PTPRD: variants seen among roughly 807,000 people sequenced by gnomAD.
PTPRD encodes the protein protein tyrosine phosphatase receptor type D, also known as receptor-type tyrosine-protein phosphatase delta.
PTPRD carries 34 observed loss-of-function variants against 214.5 expected under a neutral mutation model. That is an observed-to-expected ratio of 0.16 (90% CI 0.12 to 0.21). The LOEUF (loss-of-function observed/expected upper bound fraction) is 0.21. PTPRD is among the 10% of genes least tolerant of loss of function. The probability of loss-of-function intolerance (pLI) is 1.00; values close to 1 mark genes in which losing one functional copy is unlikely to be tolerated. For synonymous variants in PTPRD, 1,128 were observed against 845.7 expected (o/e 1.33, Z -5.79); for missense variants, 2,545 against 2,398.7 (o/e 1.06, Z -1.27).
chr9:9,460,492 A>T (rs2093549368), intron 8 of PTPRD, among the ~76,000 whole-genome samples: 1 of 152,104 alleles, frequency 6.6e-6, no homozygotes, highest in Non-Finnish European at 1.5e-5. Flanking sequence ...ACATTAGAAA[A>T]AAACAAATCC....
At chr9:10,445,873 C>CA (rs2098795177) in intron 2 of PTPRD, among the ~76,000 whole-genome samples, 1 of 151,964 alleles carries the variant, frequency 6.6e-6, no homozygotes, top group Admixed American at 6.6e-5. Flanking sequence ...CTAACAACAA[C>CA]AAAAAGAACA....
At chr9:10,415,378 T>C (rs868758994) in intron 2 of PTPRD, among the ~76,000 whole-genome samples, 1 of 151,924 alleles carries the variant, frequency 6.6e-6, no homozygotes, top group East Asian at 1.9e-4. Flanking sequence ...CTATTTTATA[T>C]GCTCAGAACA....
At position 9,150,238 on chromosome 9, in the gene PTPRD, A is replaced by G. The variant is rs566236453; in HGVS notation, c.-143+33066T>C. The stretch of plus-strand genomic sequence containing the variant: ...GATATTAGTGTTCCAGGGAGTATGT[A>G]TGAGAAACCACAATATAATCATTCT... On this transcript the variant is annotated intron_variant, in intron 10 of 45. Coordinates refer to ENST00000381196, the MANE Select transcript of PTPRD (RefSeq NM_002839.4). Among the ~76,000 whole-genome samples, 108 of 152,156 alleles carry G rather than the reference A, an allele frequency of 7.1e-4. 1 individual carries two copies. The highest frequency in any genetic ancestry group is 5.2e-3 in the East Asian group (27 of 5,166).
At chr9:10,378,094 T>A (rs1241010994) in intron 2 of PTPRD, among the ~76,000 whole-genome samples, 1 of 152,086 alleles carries the variant, frequency 6.6e-6, no homozygotes, top group African/African-American at 2.4e-5. Context: ...GTCTTTTGGA[T>A]ATAAGCATTT....
At chr9:10,234,598 C>T (rs192639643) in intron 3 of PTPRD, among the ~76,000 whole-genome samples, 85 of 150,412 alleles carry the variant, frequency 5.7e-4, no homozygotes, top group Admixed American at 5.0e-3. Context: ...TCAAGAAATT[C>T]GAGTAAAGAA....
At chr9:9,964,100 A>T (rs1406598916) in intron 4 of PTPRD, among the ~76,000 whole-genome samples, 2 of 152,044 alleles carry the variant, frequency 1.3e-5, no homozygotes, top group Admixed American at 1.3e-4. Context: ...ACAGACAAAG[A>T]CAGAGACAGA....
chr9:9,590,279 TC>T, intron 7 of PTPRD, among the ~76,000 whole-genome samples: 1 of 152,126 alleles, frequency 6.6e-6, no homozygotes, highest in South Asian at 2.1e-4. Flanking sequence ...TGTGAGCTCC[TC>T]ACAGGCAGCA....
intron 12 of PTPRD, among the ~76,000 whole-genome samples, chr9:8,698,324 C>A (rs541406650): frequency 6.6e-6 from 1 of 152,114 alleles, no homozygotes; most frequent in Non-Finnish European, 1.5e-5. Context: ...TGGTGAAAAT[C>A]AAGAATCAAG....
intron 9 of PTPRD, among the ~76,000 whole-genome samples, chr9:9,394,564 A>G (rs948027951): frequency 6.6e-6 from 1 of 152,160 alleles, no homozygotes; most frequent in Non-Finnish European, 1.5e-5. Context: ...ATATGTAAAG[A>G]TGATAATAAT....
intron 8 of PTPRD, among the ~76,000 whole-genome samples, chr9:9,523,351 A>T (rs2097036485): frequency 6.6e-6 from 1 of 152,166 alleles, no homozygotes; most frequent in Non-Finnish European, 1.5e-5. Flanking sequence ...CTAAATATGT[A>T]GGTCTCCTGT....
At chr9:10,382,806 C>A (rs1047370365) in intron 2 of PTPRD, among the ~76,000 whole-genome samples, 2 of 151,842 alleles carry the variant, frequency 1.3e-5, no homozygotes, top group Non-Finnish European at 2.9e-5. Flanking sequence ...ATGGTCCCTG[C>A]ACAAAATGCA....
intron 11 of PTPRD, among the ~76,000 whole-genome samples, chr9:8,968,905 G>A (rs2099217916): frequency 6.6e-6 from 1 of 151,952 alleles, no homozygotes; most frequent in Non-Finnish European, 1.5e-5. Flanking sequence ...AAGATTGAAT[G>A]GAAAAAGTTC....
intron 9 of PTPRD, among the ~76,000 whole-genome samples, chr9:9,338,969 A>T (rs2045685315): frequency 6.6e-6 from 1 of 152,180 alleles, no homozygotes; most frequent in South Asian, 2.1e-4. Context: ...AAAAATCGCA[A>T]GATTCCTGCT....
intron 10 of PTPRD, among the ~76,000 whole-genome samples, chr9:9,177,646 G>A (rs2099925712): frequency 6.6e-6 from 1 of 151,766 alleles, no homozygotes; most frequent in African/African-American, 2.4e-5. Context: ...AAATAATTAT[G>A]GTGAGCAAAA....
chr9:8,947,226 G>A (rs1419219440), intron 11 of PTPRD, among the ~76,000 whole-genome samples: 13 of 151,480 alleles, frequency 8.6e-5, no homozygotes, highest in Non-Finnish European at 1.9e-4. Context: ...CACTTTGGGA[G>A]GCCAAGGTGG....
intron 12 of PTPRD, among the ~76,000 whole-genome samples, chr9:8,683,469 A>C (rs766871946): frequency 1.7e-4 from 26 of 152,030 alleles, no homozygotes; most frequent in Non-Finnish European, 3.1e-4. Flanking sequence ...CAAACAGTTC[A>C]CTTTTTTCAG....
intron 8 of PTPRD, among the ~76,000 whole-genome samples, chr9:9,554,262 A>T (rs2080994936): frequency 6.6e-6 from 1 of 152,074 alleles, no homozygotes; most frequent in Admixed American, 6.6e-5. Flanking sequence ...TGCACACCAG[A>T]GAATGTCCAT....
chr9:9,569,837 C>G (rs2098447755), intron 8 of PTPRD, among the ~76,000 whole-genome samples: 1 of 151,372 alleles, frequency 6.6e-6, no homozygotes, highest in Admixed American at 6.6e-5. Flanking sequence ...TTTATTTAAT[C>G]AGAATTATGT....
chr9:10,497,310 TA>T (rs992108291), intron 2 of PTPRD, among the ~76,000 whole-genome samples: 11 of 152,116 alleles, frequency 7.2e-5, no homozygotes, highest in Non-Finnish European at 1.6e-4. Flanking sequence ...AGTTGAATTT[TA>T]AAAAACTTGC....
Sources: allele counts gnomAD v4.1 joint callset (sites outside exome capture counted in the v4.1 genomes callset), GRCh38; gene constraint gnomAD v4.1.1; transcripts MANE v1.5; gene names NCBI Gene and HGNC (gene_info 2026-07-23, HGNC 2026-07-21).